Variants in LRRIQ3 observed in about 807,000 individuals in gnomAD.
The protein encoded by LRRIQ3 is leucine-rich repeat and IQ domain-containing protein 3.
A neutral mutation model predicts 59.3 loss-of-function variants in LRRIQ3; 75 were observed. The observed-to-expected ratio is 1.26, with a 90% confidence interval of 1.05 to 1.53. LRRIQ3 has a LOEUF of 1.53. LRRIQ3 is among the 40% of genes most tolerant of loss of function. LRRIQ3 has a pLI of 0.00. For synonymous variants in LRRIQ3, 250 were observed against 231.3 expected (o/e 1.08, Z -0.73); for missense variants, 831 against 710.0 (o/e 1.17, Z -1.94).
At chr1:74,192,020 A>T (rs1199543829) in intron 1 of LRRIQ3, among the ~76,000 whole-genome samples, 1 of 152,032 alleles carries the variant, frequency 6.6e-6, no homozygotes, top group African/African-American at 2.4e-5. Flanking sequence ...AGAGTCCATA[A>T]AGATCTATAG....
chr1:74,150,493 C>A (rs1015627525), intron 4 of LRRIQ3, among the ~76,000 whole-genome samples: 1 of 152,020 alleles, frequency 6.6e-6, no homozygotes, highest in Non-Finnish European at 1.5e-5. Flanking sequence ...GATAAGATAA[C>A]GTACTATTTT....
At chr1:74,038,298 C>T (rs1164287522) in intron 7 of LRRIQ3, among the ~76,000 whole-genome samples, 1 of 152,148 alleles carries the variant, frequency 6.6e-6, no homozygotes, top group Non-Finnish European at 1.5e-5. Context: ...GGCTCAGGGA[C>T]AGAAGCCTGA....
chr1:74,171,315 CTCTT>C (rs1247145410), intron 3 of LRRIQ3, among the ~76,000 whole-genome samples: 1 of 152,088 alleles, frequency 6.6e-6, no homozygotes, highest in Non-Finnish European at 1.5e-5. Flanking sequence ...TTGAGGGAAA[CTCTT>C]TCCATACATA....
At chr1:74,102,860 G>A (rs1646554636) in intron 5 of LRRIQ3, among the ~76,000 whole-genome samples, 1 of 151,868 alleles carries the variant, frequency 6.6e-6, no homozygotes, top group Non-Finnish European at 1.5e-5. Context: ...GCAATTACTT[G>A]GCTTGAAACC....
rs569166938 is a variant in LRRIQ3 at position 74,110,261 on chromosome 1, C to T, written c.708-708G>A. Reference sequence around the variant, plus strand: ...ACCTACTCAATATTGTACTACAATGCCTACTGGTCTAATAAGGCAATAAAA... The same window carrying T: ...ACCTACTCAATATTGTACTACAATGTCTACTGGTCTAATAAGGCAATAAAA... On this transcript the variant is annotated intron_variant, in intron 4 of 7. Transcript: ENST00000354431. 1.3e-5 allele frequency among the ~76,000 whole-genome samples: 2 copies of T among 151,900 alleles called. 1 individual carries two copies. The highest frequency in any genetic ancestry group is 2.9e-5 in the Non-Finnish European group (2 of 67,862).
chr1:74,107,712 A>G (rs1037082973), intron 5 of LRRIQ3, among the ~76,000 whole-genome samples: 18 of 151,010 alleles, frequency 1.2e-4, no homozygotes, highest in African/African-American at 4.4e-4. Context: ...TAAAGAAACT[A>G]TTCATCAAAA....
rs146413651 is a variant in LRRIQ3 at position 74,054,269 on chromosome 1, A to G, written c.998-12336T>C. Among the ~76,000 whole-genome samples, 1,053 of 152,228 alleles carry G rather than the reference A, an allele frequency of 6.9e-3. 6 individuals are homozygous for G. Among genetic ancestry groups the G allele is most frequent in the African/African-American group, 0.024 (1,005 of 41,554 alleles). Reference sequence around the variant, plus strand: ...GCATATTATTGAGTGAAAGAAGCCAATCTAAAAAGGCTACATACTGTATGA... The same window carrying G: ...GCATATTATTGAGTGAAAGAAGCCAGTCTAAAAAGGCTACATACTGTATGA... On this transcript the variant is annotated intron_variant, in intron 6 of 7. Coordinates refer to ENST00000354431, the MANE Select transcript of LRRIQ3 (RefSeq NM_001105659.2).
chr1:74,128,167 G>A (rs1386035405), intron 4 of LRRIQ3, among the ~76,000 whole-genome samples: 1 of 151,876 alleles, frequency 6.6e-6, no homozygotes, highest in Non-Finnish European at 1.5e-5. Context: ...TGACTTTTAG[G>A]TGTTTGATTA....
intron 4 of LRRIQ3, among the ~76,000 whole-genome samples, chr1:74,112,569 A>G (rs1483445003): frequency 1.3e-5 from 2 of 152,194 alleles, no homozygotes; most frequent in Non-Finnish European, 2.9e-5. Flanking sequence ...TAAAGACAAT[A>G]GAACAATCAA....
chr1:74,069,018 T>C (rs1654946259), intron 6 of LRRIQ3, among the ~76,000 whole-genome samples: 2 of 151,990 alleles, frequency 1.3e-5, no homozygotes, highest in African/African-American at 2.4e-5. Context: ...ACAAAGTATA[T>C]AATGAAGGTA....
At chr1:74,188,688 C>T (rs1046826449) in intron 1 of LRRIQ3, among the ~76,000 whole-genome samples, 2 of 152,020 alleles carry the variant, frequency 1.3e-5, no homozygotes, top group African/African-American at 4.8e-5. Context: ...GGTAGTTTTT[C>T]AAATTTTTCC....
intron 4 of LRRIQ3, among the ~76,000 whole-genome samples, chr1:74,119,368 C>T (rs1390898271): frequency 6.6e-6 from 1 of 151,876 alleles, no homozygotes; most frequent in Non-Finnish European, 1.5e-5. Context: ...TATTCACATC[C>T]TTTGTCCATT....
chr1:74,193,494 T>C (rs940168158), intron 1 of LRRIQ3, among the ~76,000 whole-genome samples: 4 of 152,126 alleles, frequency 2.6e-5, no homozygotes, highest in Non-Finnish European at 4.4e-5. Context: ...ACACATTAAG[T>C]GTAACTATAC....
intron 3 of LRRIQ3, among the ~76,000 whole-genome samples, chr1:74,175,939 T>C (rs1277326871): frequency 6.6e-6 from 1 of 152,300 alleles, no homozygotes; most frequent in Non-Finnish European, 1.5e-5. Flanking sequence ...TTCTTAAGTA[T>C]ACATTCTATA....
At chr1:74,081,132 G>A (rs924890244) in intron 5 of LRRIQ3, among the ~76,000 whole-genome samples, 1 of 151,520 alleles carries the variant, frequency 6.6e-6, no homozygotes, top group African/African-American at 2.4e-5. Context: ...TCTTAAGAGA[G>A]TGAACTAGAA....
At chr1:74,052,271 A>G (rs1040908361) in intron 6 of LRRIQ3, among the ~76,000 whole-genome samples, 7 of 152,144 alleles carry the variant, frequency 4.6e-5, no homozygotes, top group African/African-American at 1.7e-4. Flanking sequence ...TTGGACAGCT[A>G]CAGCCACTGT....
intron 6 of LRRIQ3, among the ~76,000 whole-genome samples, chr1:74,065,396 G>T (rs1030218228): frequency 6.6e-6 from 1 of 152,070 alleles, no homozygotes; most frequent in African/African-American, 2.4e-5. Context: ...AAAAGCTTCT[G>T]TTAGTTATAA....
chr1:74,173,587 AATT>A (rs1649460821), intron 3 of LRRIQ3, among the ~76,000 whole-genome samples: 1 of 151,906 alleles, frequency 6.6e-6, no homozygotes, highest in South Asian at 2.1e-4. Flanking sequence ...AGCTGCTATA[AATT>A]ATTGTCAAAC....
chr1:74,187,228 A>C (rs1176773906), intron 1 of LRRIQ3, among the ~76,000 whole-genome samples: 1 of 152,170 alleles, frequency 6.6e-6, no homozygotes, highest in Non-Finnish European at 1.5e-5. Flanking sequence ...ACATGAACAT[A>C]CATGTTTATA....
Sources: allele counts gnomAD v4.1 joint callset (sites outside exome capture counted in the v4.1 genomes callset), GRCh38; gene constraint gnomAD v4.1.1; transcripts MANE v1.5; gene names NCBI Gene and HGNC (gene_info 2026-07-23, HGNC 2026-07-21).